The following AFG2A variants were observed in gnomAD, a reference collection of about 807,000 sequenced individuals.
AFG2A encodes ATPase family gene 2 protein homolog A.
At chr4:122,993,764 G>T in the AFG2A span, among the ~76,000 whole-genome samples, 3 of 151,348 alleles carry the variant, frequency 2.0e-5, no homozygotes, top group East Asian at 1.9e-4. Flanking sequence ...GATCTTTATT[G>T]TCAGAAATTG....
chr4:122,932,762 C>T, the AFG2A span, among the ~76,000 whole-genome samples: 1 of 152,094 alleles, frequency 6.6e-6, no homozygotes, highest in South Asian at 2.1e-4. Context: ...TTGGTCATGC[C>T]CTTTCTCCAG....
At chr4:122,923,702 GAGTGATGATAGC>G in the AFG2A span, among the ~76,000 whole-genome samples, 1 of 152,128 alleles carries the variant, frequency 6.6e-6, no homozygotes, top group Non-Finnish European at 1.5e-5. Flanking sequence ...CTGCCTTTAG[GAGTGATGATAGC>G]ATTTTCTTCC....
At chr4:123,141,988 G>A in the AFG2A span, among the ~76,000 whole-genome samples, 6 of 152,028 alleles carry the variant, frequency 3.9e-5, no homozygotes, top group African/African-American at 7.2e-5. Context: ...ATTTGAATTC[G>A]TATGGTCTTT....
At chr4:122,998,155 A>C in the AFG2A span, among the ~76,000 whole-genome samples, 43 of 152,164 alleles carry the variant, frequency 2.8e-4, no homozygotes, top group African/African-American at 9.9e-4. Flanking sequence ...TTTTTGATTA[A>C]GTCCAGTATC....
At chr4:123,100,294 C>T in the AFG2A span, among the ~76,000 whole-genome samples, 10 of 151,928 alleles carry the variant, frequency 6.6e-5, no homozygotes, top group Non-Finnish European at 1.5e-4. Flanking sequence ...CTCCCTAAAC[C>T]CTCTATACCT....
At chr4:123,290,420 A>C in the AFG2A span, among the ~76,000 whole-genome samples, 1 of 152,194 alleles carries the variant, frequency 6.6e-6, no homozygotes, top group Non-Finnish European at 1.5e-5. Context: ...GTATGGCAAT[A>C]CAATTTTCCC....
At chr4:123,167,607 A>G in the AFG2A span, among the ~76,000 whole-genome samples, 4 of 152,210 alleles carry the variant, frequency 2.6e-5, no homozygotes, top group African/African-American at 9.6e-5. Context: ...TCGGCCTCCC[A>G]AAGTGCTGGG....
the AFG2A span, among the ~76,000 whole-genome samples, chr4:123,185,030 C>G: frequency 1.3e-5 from 2 of 152,160 alleles, no homozygotes; most frequent in African/African-American, 4.8e-5. Flanking sequence ...AAACTCAGGT[C>G]TCGTAACTGC....
At chr4:123,179,826 A>G in the AFG2A span, among the ~76,000 whole-genome samples, 1 of 152,230 alleles carries the variant, frequency 6.6e-6, no homozygotes, top group Non-Finnish European at 1.5e-5. Flanking sequence ...TAAAATCATT[A>G]ACAGAAAATG....
chr4:123,024,143 G>T, the AFG2A span, among the ~76,000 whole-genome samples: 35 of 150,798 alleles, frequency 2.3e-4, no homozygotes, highest in South Asian at 6.3e-3. Flanking sequence ...ATTCAAAGAA[G>T]CATTGGAAGA....
chr4:123,254,027 T>C, the AFG2A span, among the ~76,000 whole-genome samples: 4 of 152,210 alleles, frequency 2.6e-5, no homozygotes, highest in African/African-American at 9.6e-5. Flanking sequence ...GCAAGTATGT[T>C]CAAATTTTTA....
At chr4:123,055,176 G>T in the AFG2A span, among the ~76,000 whole-genome samples, 54 of 152,230 alleles carry the variant, frequency 3.5e-4, no homozygotes, top group Non-Finnish European at 6.6e-4. Context: ...TAATTTAAAA[G>T]TCAATGAACT....
At chr4:123,122,344 C>T in the AFG2A span, among the ~76,000 whole-genome samples, 17 of 152,204 alleles carry the variant, frequency 1.1e-4, no homozygotes, top group Non-Finnish European at 1.6e-4. Context: ...ACCTACCAAA[C>T]ATCACAATTT....
chr4:123,224,230 C>CT, the AFG2A span, among the ~76,000 whole-genome samples: 15 of 151,114 alleles, frequency 9.9e-5, no homozygotes, highest in South Asian at 4.2e-4. Flanking sequence ...TTAAATTATA[C>CT]TTTAAGTTTT....
chr4:123,143,201 A>G, the AFG2A span, among the ~76,000 whole-genome samples: 21,797 of 151,158 alleles, frequency 0.14, 2,052 homozygotes, highest in East Asian at 0.45. Context: ...AAGAAAGATT[A>G]TCAAAGATAC....
At chr4:123,094,804 A>G in the AFG2A span, among the ~76,000 whole-genome samples, 1 of 151,866 alleles carries the variant, frequency 6.6e-6, no homozygotes, top group Non-Finnish European at 1.5e-5. Context: ...TCTACCACGA[A>G]CAGTTTTCCT....
chr4:123,012,360 A>G, the AFG2A span, among the ~76,000 whole-genome samples: 2 of 116,432 alleles, frequency 1.7e-5, no homozygotes, highest in Admixed American at 8.7e-5. Flanking sequence ...GGAGAGAAGG[A>G]AGGGTAGAGA....
the AFG2A span, among the ~76,000 whole-genome samples, chr4:123,293,302 C>T: frequency 6.6e-6 from 1 of 152,134 alleles, no homozygotes; most frequent in Non-Finnish European, 1.5e-5. Context: ...GGTAGAATGA[C>T]AGTCTTTCTA....
chr4:123,288,147 G>C, the AFG2A span, among the ~76,000 whole-genome samples: 219 of 152,196 alleles, frequency 1.4e-3, 6 homozygotes, highest in East Asian at 0.034. Flanking sequence ...GCAATTCAGT[G>C]GGGGAGTGTT....
Sources: allele counts gnomAD v4.1 joint callset (sites outside exome capture counted in the v4.1 genomes callset), GRCh38; gene constraint gnomAD v4.1.1; transcripts MANE v1.5; gene names NCBI Gene and HGNC (gene_info 2026-07-23, HGNC 2026-07-21).